The following ADIPOR2 variants were observed in gnomAD, a reference collection of about 807,000 sequenced individuals.
ADIPOR2 encodes the protein adiponectin receptor protein 2.
A neutral mutation model predicts 40.9 loss-of-function variants in ADIPOR2; 18 were observed. The ratio of observed to expected loss-of-function variants is 0.44; its 90% CI spans 0.30 to 0.65. ADIPOR2 has a LOEUF of 0.65. Among genes scored for constraint, ADIPOR2 ranks in the 30% least tolerant of loss-of-function variants. ADIPOR2 has a pLI of 0.09. For missense variants in ADIPOR2, 283 were observed against 479.2 expected (o/e 0.59, Z 3.82); for synonymous variants, 165 against 166.4 (o/e 0.99, Z 0.06).
chr12:1,725,249 G>C (rs2094705631), intron 1 of ADIPOR2, among the ~76,000 whole-genome samples: 1 of 151,952 alleles, frequency 6.6e-6, no homozygotes, highest in African/African-American at 2.4e-5. Flanking sequence ...AGTCTCCCGA[G>C]TAGTTGGGAT....
intron 1 of ADIPOR2, among the ~76,000 whole-genome samples, chr12:1,695,052 CTG>C (rs1432860981): frequency 6.1e-4 from 89 of 145,138 alleles, no homozygotes; most frequent in African/African-American, 2.2e-3. Context: ...AGATCTCACT[CTG>C]TATCTCAGGC....
chr12:1,691,549 G>A (rs1404586500), intron 1 of ADIPOR2, among the ~76,000 whole-genome samples: 1 of 152,216 alleles, frequency 6.6e-6, no homozygotes, highest in African/African-American at 2.4e-5. Flanking sequence ...CCTGCCCGCG[G>A]AGAGGATCTG....
intron 1 of ADIPOR2, among the ~76,000 whole-genome samples, chr12:1,704,318 C>A (rs2094657554): frequency 6.6e-6 from 1 of 151,984 alleles, no homozygotes; most frequent in Non-Finnish European, 1.5e-5. Flanking sequence ...AGAAATAGAA[C>A]CTAGAAGAGT....
intron 1 of ADIPOR2, chr12:1,731,136 C>CTG (rs2094719369): frequency 6.6e-6 from 1 of 152,148 alleles, no homozygotes; most frequent in Non-Finnish European, 1.5e-5. Context: ...TCATGGCTTA[C>CTG]TGAAGCCTCA....
At chr12:1,749,342 C>T (rs953124291) in intron 1 of ADIPOR2, among the ~76,000 whole-genome samples, 7 of 152,066 alleles carry the variant, frequency 4.6e-5, no homozygotes, top group Admixed American at 1.3e-4. Context: ...TCTTAAGACC[C>T]GCAATCAAAA....
intron 2 of ADIPOR2, among the ~76,000 whole-genome samples, chr12:1,767,565 T>TG (rs1291295336): frequency 6.6e-6 from 1 of 152,156 alleles, no homozygotes; most frequent in African/African-American, 2.4e-5. Context: ...CTAATGCCCT[T>TG]GCTACACATT....
chr12:1,717,366 C>T (rs1459176059), intron 1 of ADIPOR2, among the ~76,000 whole-genome samples: 1 of 152,040 alleles, frequency 6.6e-6, no homozygotes, highest in Non-Finnish European at 1.5e-5. Context: ...GTGGTTGTCC[C>T]TGCTTAGGTT....
chr12:1,780,748 T>TA, intron 5 of ADIPOR2, 111 bp downstream of exon 5: 1 of 1,388,150 alleles, frequency 7.2e-7, no homozygotes. Flanking sequence ...GCAAACTTTT[T>TA]TTTTTTTAAA....
chr12:1,707,843 C>G (rs2094666638), intron 1 of ADIPOR2, among the ~76,000 whole-genome samples: 1 of 151,982 alleles, frequency 6.6e-6, no homozygotes, highest in Non-Finnish European at 1.5e-5. Context: ...TTTGTATATC[C>G]TTTTATTAGA....
At chr12:1,726,025 C>G (rs1322885108) in intron 1 of ADIPOR2, among the ~76,000 whole-genome samples, 1 of 152,130 alleles carries the variant, frequency 6.6e-6, no homozygotes, top group Non-Finnish European at 1.5e-5. Context: ...AAAAAAATCT[C>G]TCCTGGATTA....
chr12:1,734,158 TAGTTCTAGATCCTTG>T (rs2094725859), intron 1 of ADIPOR2, among the ~76,000 whole-genome samples: 1 of 152,238 alleles, frequency 6.6e-6, no homozygotes, highest in Admixed American at 6.5e-5. Flanking sequence ...ATGGTATTTC[TAGTTCTAGATCCTTG>T]AGGAATCGCC....
intron 2 of ADIPOR2, among the ~76,000 whole-genome samples, chr12:1,767,712 T>G (rs1244967234): frequency 1.3e-5 from 2 of 152,226 alleles, no homozygotes; most frequent in Non-Finnish European, 2.9e-5. Flanking sequence ...GTCCTAGAAG[T>G]ATTTCAGAAA....
At chr12:1,759,450 C>T (rs1290651789) in intron 2 of ADIPOR2, among the ~76,000 whole-genome samples, 4 of 152,146 alleles carry the variant, frequency 2.6e-5, no homozygotes, top group African/African-American at 4.8e-5. Context: ...GGAAAAGCAG[C>T]AGGGGTGTCT....
intron 1 of ADIPOR2, among the ~76,000 whole-genome samples, chr12:1,740,647 A>G (rs370557897): frequency 6.6e-6 from 1 of 152,366 alleles, no homozygotes. Context: ...AATTTCTGAT[A>G]GAAACTTCAT....
intron 2 of ADIPOR2, among the ~76,000 whole-genome samples, chr12:1,766,417 G>A (rs1862382064): frequency 6.6e-6 from 1 of 152,140 alleles, no homozygotes; most frequent in Non-Finnish European, 1.5e-5. Context: ...AAGACACCTG[G>A]GGCCTGAAAT....
chr12:1,745,762 A>T (rs1321326290), intron 1 of ADIPOR2, among the ~76,000 whole-genome samples: 1 of 152,172 alleles, frequency 6.6e-6, no homozygotes. Context: ...AGCAGAATTC[A>T]TGTTGCTCTG....
At chr12:1,768,667 T>C (rs767438115) in intron 2 of ADIPOR2, among the ~76,000 whole-genome samples, 55 of 152,230 alleles carry the variant, frequency 3.6e-4, no homozygotes, top group Non-Finnish European at 4.4e-5. Flanking sequence ...CCTTTTATCT[T>C]TATCACTATG....
At chr12:1,698,152 G>C (rs1382986236) in intron 1 of ADIPOR2, 1 of 152,200 alleles carries the variant, frequency 6.6e-6, no homozygotes, top group Non-Finnish European at 1.5e-5. Flanking sequence ...TGTACTTCTG[G>C]ATGTGACCAG....
chr12:1,762,292 A>G (rs1248560823), intron 2 of ADIPOR2, among the ~76,000 whole-genome samples: 1 of 152,184 alleles, frequency 6.6e-6, no homozygotes, highest in Non-Finnish European at 1.5e-5. Flanking sequence ...TTTGTGTGAC[A>G]TATATTTATG....
Sources: gnomAD v4.1 joint callset for allele counts (sites outside exome capture counted in the v4.1 genomes callset) on GRCh38, gnomAD v4.1.1 for gene constraint, MANE v1.5 for transcripts, NCBI Gene and HGNC (gene_info 2026-07-23, HGNC 2026-07-21) for gene names.